FAT3: variants seen among roughly 807,000 people sequenced by gnomAD.
FAT3 encodes the protein FAT atypical cadherin 3, also known as protocadherin Fat 3.
Under a neutral mutation model 310.2 loss-of-function variants are expected in FAT3, and 95 were observed. The ratio of observed to expected loss-of-function variants is 0.31; its 90% CI spans 0.26 to 0.36. The LOEUF (loss-of-function observed/expected upper bound fraction) is 0.36, where lower values mean the gene tolerates loss of function less well. FAT3 is among the 10% of genes least tolerant of loss of function. The pLI is 1.00. For synonymous variants in FAT3, 2,314 were observed against 2,192.9 expected (o/e 1.06, Z -1.54); for missense variants, 5,408 against 5,715.6 (o/e 0.95, Z 1.74).
intron 3 of FAT3, among the ~76,000 whole-genome samples, chr11:92,652,689 G>A (rs1250733464): frequency 2.0e-5 from 3 of 152,206 alleles, no homozygotes; most frequent in East Asian, 3.9e-4. Context: ...TAAAGACACC[G>A]GGGCTGGGAA....
chr11:92,749,309 TAC>T (rs768046758), intron 4 of FAT3, among the ~76,000 whole-genome samples: 6 of 151,426 alleles, frequency 4.0e-5, no homozygotes, highest in African/African-American at 1.2e-4. Context: ...CACACACAGA[TAC>T]ACACACACAC....
chr11:92,546,642 T>G (rs1954626575), intron 3 of FAT3, among the ~76,000 whole-genome samples: 1 of 152,206 alleles, frequency 6.6e-6, no homozygotes, highest in East Asian at 1.9e-4. Flanking sequence ...AAAATTGCCC[T>G]TCTTTTGAAT....
chr11:92,374,068 C>T (rs1386962673), intron 2 of FAT3, among the ~76,000 whole-genome samples: 1 of 131,640 alleles, frequency 7.6e-6, no homozygotes, highest in African/African-American at 3.1e-5. Context: ...AATTTGCTTT[C>T]CTTCTGCCTT....
intron 4 of FAT3, among the ~76,000 whole-genome samples, chr11:92,754,976 A>G (rs1439608555): frequency 1.3e-5 from 2 of 152,212 alleles, no homozygotes; most frequent in Non-Finnish European, 2.9e-5. Context: ...TAAATGCCAC[A>G]TGATCTCACA....
intron 2 of FAT3, among the ~76,000 whole-genome samples, chr11:92,481,237 C>T (rs1175230581): frequency 6.6e-6 from 1 of 152,060 alleles, no homozygotes; most frequent in Non-Finnish European, 1.5e-5. Flanking sequence ...ATAGAAATAT[C>T]TGGGCAATGA....
Position 92,799,654 on chromosome 11 carries a change from A to G in FAT3, c.6641A>G (p.Glu2214Gly). The change falls in exon 10 of 28, where the codon GAA becomes GGA. Residue 2214 changes from glutamate to glycine, a missense_variant. By Grantham distance (98) the Glu-to-Gly change is moderately conservative. Transcript: ENST00000525166. ...CTAAGCATCAATGCCACCAGTCCAG[A>G]AGGCCAAGGCATCATATATATCATT... ...PILSINATSP[E>G]GQGIIYIIID... 6.2e-7 allele frequency: 1 copy of G among 1,613,788 alleles called. No homozygotes were observed.
At chr11:92,398,364 G>GGT (rs1949929762) in intron 2 of FAT3, among the ~76,000 whole-genome samples, 1 of 151,970 alleles carries the variant, frequency 6.6e-6, no homozygotes, top group African/African-American at 2.4e-5. Context: ...AGCCAGGCAT[G>GGT]GTGGTGCATG....
intron 1 of FAT3, among the ~76,000 whole-genome samples, chr11:92,324,666 C>T (rs554461400): frequency 8.5e-5 from 13 of 152,122 alleles, no homozygotes; most frequent in Non-Finnish European, 1.6e-4. Context: ...GACATAGAGA[C>T]ATGATGTGAG....
rs556676783 is a variant in FAT3 at position 92,760,387 on chromosome 11, T to TG, written c.3670-1468dup. 2.8e-4 allele frequency among the ~76,000 whole-genome samples: 43 copies of TG among 152,308 alleles called. 1 individual carries two copies. The South Asian group carries it at 8.7e-3, about 31-fold the overall frequency. Reference sequence around the variant, plus strand: ...ATACCTGTCAGGTTGTTTTATTAGGTGAAAAAATAGCTGACCAGCTGCTTT... The same window carrying TG: ...ATACCTGTCAGGTTGTTTTATTAGGTGGAAAAAATAGCTGACCAGCTGCTTT... On this transcript the variant is annotated intron_variant, in intron 4 of 27. Transcript: ENST00000525166.
At position 92,884,753 on chromosome 11, in the gene FAT3, C is replaced by T. The variant is rs144895772; in HGVS notation, c.12937+1360C>T. Among the ~76,000 whole-genome samples the T allele has an allele frequency of 5.9e-5, 9 of 152,208 alleles. No individual in the cohort carries two copies. The East Asian group carries it at 1.4e-3, about 23-fold the overall frequency. On this transcript the variant is annotated intron_variant, in intron 24 of 27. Coordinates refer to ENST00000525166, the MANE Select transcript of FAT3 (RefSeq NM_001367949.2). ...TGTAGAGGACAAGTAAAGGGTTACC[C>T]GAGAGATGTCTGGCTCTGTTGTTCA...
intron 1 of FAT3, among the ~76,000 whole-genome samples, chr11:92,229,523 T>A (rs1333243327): frequency 5.3e-5 from 7 of 132,784 alleles, no homozygotes; most frequent in East Asian, 2.2e-4. Context: ...TGTTTTTTTT[T>A]ACATTGCCTC....
At chr11:92,496,882 A>G (rs544195531) in intron 2 of FAT3, among the ~76,000 whole-genome samples, 1 of 152,150 alleles carries the variant, frequency 6.6e-6, no homozygotes, top group Non-Finnish European at 1.5e-5. Flanking sequence ...AGACCTGGGA[A>G]AGGTTAAAGA....
intron 4 of FAT3, among the ~76,000 whole-genome samples, chr11:92,750,484 G>A (rs1196568881): frequency 6.6e-6 from 1 of 152,210 alleles, no homozygotes; most frequent in East Asian, 1.9e-4. Context: ...CTGATGAGCT[G>A]AGCAGAGGAG....
chr11:92,860,813 C>T (rs893589187), intron 21 of FAT3, among the ~76,000 whole-genome samples: 1 of 152,142 alleles, frequency 6.6e-6, no homozygotes, highest in Non-Finnish European at 1.5e-5. Flanking sequence ...TACTTACCCA[C>T]GTCTGGTATT....
intron 22 of FAT3, among the ~76,000 whole-genome samples, chr11:92,878,025 G>T (rs1489892710): frequency 6.6e-6 from 1 of 152,146 alleles, no homozygotes; most frequent in Admixed American, 6.5e-5. Flanking sequence ...CAATCATAAG[G>T]CAGAGACCAT....
intron 3 of FAT3, among the ~76,000 whole-genome samples, chr11:92,617,894 A>G (rs941449188): frequency 5.9e-5 from 9 of 152,274 alleles, no homozygotes; most frequent in African/African-American, 2.2e-4. Context: ...GTCAGCCCCT[A>G]CTGGGGGGTG....
At position 92,355,125 on chromosome 11, in the gene FAT3, T is replaced by C. The variant is rs535283582; in HGVS notation, c.3013T>C (p.Phe1005Leu). 1 of 1,613,798 alleles carries C rather than the reference T, an allele frequency of 6.2e-7. No individual in the cohort carries two copies. Among genetic ancestry groups the C allele is most frequent in the East Asian group, 2.2e-5 (1 of 44,880 alleles). Residue 1005 changes from phenylalanine (F) to leucine (L), a missense_variant, in exon 2 of 28, where the codon TTC (phenylalanine) becomes CTC (leucine). By Grantham distance (22) the Phe-to-Leu change is conservative. This residue lies in a region of FAT3 where 4,588 missense variants were observed against 4,809.8 expected (regional missense o/e 0.95). Coordinates refer to ENST00000525166, the MANE Select transcript of FAT3 (RefSeq NM_001367949.2). ...SKELDYEKQQ[F>L]YNLTVRAKDK... ...AGAGCTTGATTATGAGAAACAGCAGTTCTATAACCTTACTGTGCGGGCCAA... is the reference window on the plus strand; with the variant it reads ...AGAGCTTGATTATGAGAAACAGCAGCTCTATAACCTTACTGTGCGGGCCAA...
chr11:92,713,265 C>T (rs1944581021), intron 4 of FAT3, among the ~76,000 whole-genome samples: 1 of 152,200 alleles, frequency 6.6e-6, no homozygotes, highest in African/African-American at 2.4e-5. Context: ...AAGCATTGTT[C>T]TCACTGCTTT....
chr11:92,303,062 C>CTA (rs966023136), intron 1 of FAT3, among the ~76,000 whole-genome samples: 5 of 152,056 alleles, frequency 3.3e-5, no homozygotes, highest in African/African-American at 9.7e-5. Flanking sequence ...TGTTTAGCAT[C>CTA]TACCGAAGTA....
Sources: allele counts gnomAD v4.1 joint callset (sites outside exome capture counted in the v4.1 genomes callset), GRCh38; gene constraint gnomAD v4.1.1; regional missense constraint gnomAD v4.1.1; transcripts MANE v1.5; gene names NCBI Gene and HGNC (gene_info 2026-07-23, HGNC 2026-07-21).